NRG3: variants seen among roughly 807,000 people sequenced by gnomAD.
NRG3 encodes pro-neuregulin-3, membrane-bound isoform.
In NRG3, 31 loss-of-function variants were observed where a neutral mutation model predicts 66.9. That is an observed-to-expected ratio of 0.46 (90% CI 0.35 to 0.63). The LOEUF (loss-of-function observed/expected upper bound fraction) is 0.63. Ranked by LOEUF, NRG3 falls within the 20% of genes least tolerant of loss-of-function variation. NRG3 has a pLI of 0.00. For synonymous variants in NRG3, 393 were observed against 359.4 expected (o/e 1.09, Z -1.06); for missense variants, 910 against 878.9 (o/e 1.04, Z -0.45).
chr10:81,875,970 C>T lies in NRG3; in HGVS notation c.630C>T (p.Pro210=), dbSNP rs1176324301. The T allele has an allele frequency of 4.3e-6, 7 of 1,614,004 alleles. No homozygotes were observed. Among genetic ancestry groups the T allele is most frequent in the Admixed American group, 1.7e-5 (1 of 60,032 alleles). Residue 210 remains proline (P), a synonymous_variant, in exon 1 of 9, where the codon CCC becomes CCT. Transcript: ENST00000372141. The surrounding 1 kb of genome is among the most constrained non-coding windows in gnomAD (Gnocchi z 5.3). ...FFSSSTLGSR[P]PVPGTPSTQA... ...GTAGCAGCACGCTGGGCTCCCGACC[C>T]CCGGTGCCAGGAACTCCAAGTACCC...
intron 4 of NRG3, among the ~76,000 whole-genome samples, chr10:82,881,935 G>A (rs1482455091): frequency 6.6e-6 from 1 of 152,138 alleles, no homozygotes; most frequent in African/African-American, 2.4e-5. Context: ...GTGTGCTTTA[G>A]GAGTCTTCCT....
intron 2 of NRG3, among the ~76,000 whole-genome samples, chr10:82,426,369 C>G (rs2089439223): frequency 6.6e-6 from 1 of 151,980 alleles, no homozygotes; most frequent in South Asian, 2.1e-4. Context: ...GTTGTTGTCT[C>G]CAATAGTGGC....
At chr10:82,903,744 T>C (rs1462983011) in intron 4 of NRG3, among the ~76,000 whole-genome samples, 2 of 152,174 alleles carry the variant, frequency 1.3e-5, no homozygotes, top group Non-Finnish European at 2.9e-5. Flanking sequence ...CTACTATTTA[T>C]GTTATCTTAA....
rs1182807845 is a variant in NRG3 at position 82,038,909 on chromosome 10, G to C, written c.823+162746G>C. On this transcript the variant is annotated intron_variant, in intron 1 of 8. Transcript: ENST00000372141. ...TGATCAACACTAGCCTAGTGAGGAAGAGAGAGGCCATGTATTCTATTTTCA... is the reference window on the plus strand; with the variant it reads ...TGATCAACACTAGCCTAGTGAGGAACAGAGAGGCCATGTATTCTATTTTCA... Among the ~76,000 whole-genome samples, 5 of 152,242 alleles carry C rather than the reference G, an allele frequency of 3.3e-5. No homozygotes were observed. The East Asian group carries it at 9.7e-4, about 30-fold the overall frequency.
intron 2 of NRG3, among the ~76,000 whole-genome samples, chr10:82,730,925 C>T (rs2057869160): frequency 6.6e-6 from 1 of 152,116 alleles, no homozygotes; most frequent in African/African-American, 2.4e-5. Context: ...TAGACTGAGG[C>T]CTCCTTTGAA....
intron 2 of NRG3, among the ~76,000 whole-genome samples, chr10:82,515,260 C>A (rs1845548726): frequency 6.6e-6 from 1 of 152,106 alleles, no homozygotes; most frequent in Non-Finnish European, 1.5e-5. Flanking sequence ...CAAATGGCAA[C>A]AACAACACGC....
chr10:82,539,884 G>C (rs150649719), intron 2 of NRG3, among the ~76,000 whole-genome samples: 1,612 of 152,090 alleles, frequency 0.011, 29 homozygotes, highest in African/African-American at 0.036. Context: ...CACCCACCTT[G>C]GCCTCGCAAA....
At chr10:82,194,052 G>T (rs1198627669) in intron 1 of NRG3, among the ~76,000 whole-genome samples, 1 of 152,140 alleles carries the variant, frequency 6.6e-6, no homozygotes, top group South Asian at 2.1e-4. Context: ...AACCACTCCA[G>T]CCAAGAGAAC....
At chr10:82,319,504 T>C (rs1285008508) in intron 1 of NRG3, among the ~76,000 whole-genome samples, 1 of 152,214 alleles carries the variant, frequency 6.6e-6, no homozygotes, top group Non-Finnish European at 1.5e-5. Context: ...GTCCCTGGCA[T>C]GGTGTTGCTT....
At chr10:82,135,322 C>A (rs1439821580) in intron 1 of NRG3, among the ~76,000 whole-genome samples, 2 of 152,062 alleles carry the variant, frequency 1.3e-5, no homozygotes, top group Middle Eastern at 3.4e-3. Flanking sequence ...AGGTAGGCTT[C>A]TTTAGGCTAA....
chr10:82,632,156 G>T (rs1444128137), intron 2 of NRG3, among the ~76,000 whole-genome samples: 1 of 152,004 alleles, frequency 6.6e-6, no homozygotes, highest in Admixed American at 6.6e-5. Context: ...CCTTTTCCCA[G>T]ACTCAGCTAT....
At chr10:82,771,806 CATT>C (rs1271610480) in intron 3 of NRG3, among the ~76,000 whole-genome samples, 5 of 151,890 alleles carry the variant, frequency 3.3e-5, no homozygotes, top group Non-Finnish European at 7.4e-5. Flanking sequence ...AAAGTGAGCT[CATT>C]ATTTTTTTTT....
chr10:82,760,872 T>C (rs943468504), intron 3 of NRG3, among the ~76,000 whole-genome samples: 3 of 151,870 alleles, frequency 2.0e-5, no homozygotes, highest in African/African-American at 7.2e-5. Context: ...CATAATTAAA[T>C]GTATATTACA....
intron 2 of NRG3, among the ~76,000 whole-genome samples, chr10:82,489,757 T>G (rs1842948428): frequency 6.6e-6 from 1 of 152,172 alleles, no homozygotes; most frequent in African/African-American, 2.4e-5. Context: ...TTGCACAACT[T>G]TATTGTATTC....
chr10:82,845,203 T>C (rs757328541), intron 3 of NRG3, among the ~76,000 whole-genome samples: 4 of 152,198 alleles, frequency 2.6e-5, no homozygotes, highest in Non-Finnish European at 5.9e-5. Context: ...ATTACATGCT[T>C]GTTTTGACTT....
chr10:82,614,403 T>C (rs2048509675), intron 2 of NRG3, among the ~76,000 whole-genome samples: 1 of 152,232 alleles, frequency 6.6e-6, no homozygotes, highest in African/African-American at 2.4e-5. Context: ...TAGAGCTTTA[T>C]GCCGCTAGCT....
At chr10:82,436,721 G>A (rs184367980) in intron 2 of NRG3, among the ~76,000 whole-genome samples, 1 of 152,252 alleles carries the variant, frequency 6.6e-6, no homozygotes. Flanking sequence ...ACCCCTGCAG[G>A]GCAGTCCTGG....
intron 1 of NRG3, among the ~76,000 whole-genome samples, chr10:81,901,827 G>A (rs1331533159): frequency 6.6e-6 from 1 of 152,160 alleles, no homozygotes; most frequent in East Asian, 1.9e-4. Flanking sequence ...GGGACTTGGA[G>A]GAAAGGTTAG....
chr10:82,430,339 G>A (rs2089721419), intron 2 of NRG3, among the ~76,000 whole-genome samples: 1 of 151,786 alleles, frequency 6.6e-6, no homozygotes, highest in Non-Finnish European at 1.5e-5. Context: ...CTCACTGTAA[G>A]CTCTGCCTCC....
Sources: allele counts gnomAD v4.1 joint callset (sites outside exome capture counted in the v4.1 genomes callset), GRCh38; gene constraint gnomAD v4.1.1; non-coding constraint Gnocchi (gnomAD v3.1); transcripts MANE v1.5; gene names NCBI Gene and HGNC (gene_info 2026-07-23, HGNC 2026-07-21).